The following SLC16A1 variants were observed in gnomAD, a reference collection of about 807,000 sequenced individuals.
SLC16A1 encodes solute carrier family 16 member 1, also known as monocarboxylate transporter 1.
Under a neutral mutation model 32.2 loss-of-function variants are expected in SLC16A1, and 11 were observed. The observed-to-expected ratio is 0.34, with a 90% CI of 0.21 to 0.56. The LOEUF is 0.56. Ranked by LOEUF, SLC16A1 falls within the 20% of genes least tolerant of loss-of-function variation. The probability of loss-of-function intolerance (pLI) is 0.87; values close to 1 mark genes in which losing one functional copy is unlikely to be tolerated. For synonymous variants in SLC16A1, 231 were observed against 226.8 expected (o/e 1.02, Z -0.17); for missense variants, 435 against 615.0 (o/e 0.71, Z 3.10).
chr1:112,924,400 A>C, intron 2 of SLC16A1: 1 of 1,110,538 alleles, frequency 9.0e-7, no homozygotes, highest in Non-Finnish European at 1.4e-6. Flanking sequence ...TGTTTCTCAC[A>C]CTTTCTTTAA....
In SLC16A1 at chr1:112,917,171, A is replaced by G. The variant is rs1400519114; in HGVS notation, c.1228+7T>C. On this transcript the variant is annotated splice_region_variant and intron_variant, in intron 4 of 4. Transcript: ENST00000369626. The surrounding 1 kb of genome is among the most constrained non-coding windows in gnomAD (Gnocchi z 4.1). The stretch of plus-strand genomic sequence containing the variant: ...TAGACCCACATTAGTAGGGAGATAT[A>G]CTATACCTAAAAGTGGTGGCCCCAG... The G allele has an allele frequency of 1.2e-6, 2 of 1,614,176 alleles. No individual in the cohort carries two copies. The highest frequency in any genetic ancestry group is 1.7e-5 in the Admixed American group (1 of 60,014).
In SLC16A1 at chr1:112,929,233, C is replaced by G; in HGVS notation, c.76G>C (p.Ala26Pro). 6.2e-7 allele frequency: 1 copy of G among 1,614,152 alleles called. No individual in the cohort carries two copies. The highest frequency in any genetic ancestry group is 1.1e-5 in the South Asian group (1 of 91,076). The change falls in exon 2 of 5, where the codon GCT (alanine) becomes CCT (proline). Residue 26 changes from alanine (A) to proline (P), a missense_variant. By Grantham distance (27) the Ala-to-Pro change is conservative (BLOSUM62 -1). Transcript: ENST00000369626. Reference sequence around the variant, plus strand: ...TAAGAGAAGCCGATGGAAATGAAAGCTCCAATTACCACTGCCCAGCCCCAG... The same window carrying G: ...TAAGAGAAGCCGATGGAAATGAAAGGTCCAATTACCACTGCCCAGCCCCAG... ...GGWGWAVVIG[A>P]FISIGFSYAF...
At position 112,940,750 on chromosome 1, in the gene SLC16A1, ATACT is replaced by A. The variant is rs377515246; in HGVS notation, c.-44-11402_-44-11399del. ...TTATACTTTGATAAAAAGTATGCACATACTTCTTATTAAAATAATTTTGATCAAG... is the reference window on the plus strand; with the variant it reads ...TTATACTTTGATAAAAAGTATGCACATCTTATTAAAATAATTTTGATCAAG... On this transcript the variant is annotated intron_variant, in intron 1 of 4. Transcript: ENST00000369626. 3.5e-4 allele frequency among the ~76,000 whole-genome samples: 54 copies of A among 152,356 alleles called. No individual in the cohort carries two copies. In the East Asian group the frequency reaches 7.1e-3, roughly 20 times the overall value.
At chr1:112,918,477 C>T (rs536635348) in intron 3 of SLC16A1, among the ~76,000 whole-genome samples, 14 of 152,148 alleles carry the variant, frequency 9.2e-5, no homozygotes, top group African/African-American at 2.9e-4. Flanking sequence ...ATCATTAAGT[C>T]GACAGTAGAG....
chr1:112,933,119 G>C (rs773843874), intron 1 of SLC16A1, among the ~76,000 whole-genome samples: 2 of 152,104 alleles, frequency 1.3e-5, no homozygotes, highest in African/African-American at 4.8e-5. Flanking sequence ...CTCTCGGACT[G>C]AAAGACTCAA....
At chr1:112,947,589 AAAGT>A (rs1362485828) in intron 1 of SLC16A1, among the ~76,000 whole-genome samples, 2 of 152,382 alleles carry the variant, frequency 1.3e-5, no homozygotes, top group East Asian at 3.9e-4. Context: ...TAGAGACAAC[AAAGT>A]AATATAACAT....
At chr1:112,943,954 G>C (rs1649600759) in intron 1 of SLC16A1, among the ~76,000 whole-genome samples, 1 of 152,102 alleles carries the variant, frequency 6.6e-6, no homozygotes, top group African/African-American at 2.4e-5. Flanking sequence ...GAGAAAAAGA[G>C]ACAGACATAA....
chr1:112,916,992 C>T, intron 4 of SLC16A1, 186 bp downstream of exon 4: 1 of 767,878 alleles, frequency 1.3e-6, no homozygotes, highest in East Asian at 2.7e-5. Flanking sequence ...CTTGATGGTT[C>T]CATTTAATTA....
At chr1:112,940,867 G>A (rs142908559) in intron 1 of SLC16A1, among the ~76,000 whole-genome samples, 2 of 152,128 alleles carry the variant, frequency 1.3e-5, no homozygotes, top group African/African-American at 4.8e-5. Flanking sequence ...TTTCCTTTAC[G>A]AGTTCTTTAG....
intron 1 of SLC16A1, among the ~76,000 whole-genome samples, 173 bp from the exon 2 acceptor site, chr1:112,929,525 C>A (rs11804107): frequency 0.015 from 2,260 of 151,788 alleles, 47 homozygotes; most frequent in African/African-American, 0.051. Flanking sequence ...ACAGCCCGGG[C>A]AACACAGATC....
Position 112,918,114 on chromosome 1 carries a change from A to G in SLC16A1, c.362-70T>C, listed in dbSNP as rs1045263166. On this transcript the variant is annotated intron_variant, in intron 3 of 4. Coordinates refer to ENST00000369626, the MANE Select transcript of SLC16A1 (RefSeq NM_003051.4). ...TAAATAAATAAATAATAAGAGGTAT[A>G]AATAATGGAAGGAATAGGATATAAA... The G allele has an allele frequency of 3.6e-6, 4 of 1,096,782 alleles. No individual in the cohort carries two copies. The African/African-American group carries it at 4.9e-5, about 13-fold the overall frequency. 67.9% of individuals were successfully genotyped at this position (1,096,782 alleles called of 1,614,324 possible).
At chr1:112,937,941 T>G (rs1167989760) in intron 1 of SLC16A1, among the ~76,000 whole-genome samples, 3 of 152,178 alleles carry the variant, frequency 2.0e-5, no homozygotes, top group African/African-American at 7.2e-5. Flanking sequence ...CTAGATTTTC[T>G]GATATTTTTT....
At chr1:112,924,775 T>C (rs541679345) in intron 2 of SLC16A1, among the ~76,000 whole-genome samples, 7 of 152,228 alleles carry the variant, frequency 4.6e-5, no homozygotes, top group Non-Finnish European at 8.8e-5. Flanking sequence ...TAGTCCCAGC[T>C]ACTCGGGAGG....
intron 3 of SLC16A1, among the ~76,000 whole-genome samples, chr1:112,921,525 T>A (rs991326050): frequency 6.6e-6 from 1 of 152,238 alleles, no homozygotes; most frequent in African/African-American, 2.4e-5. Context: ...TACATAGAAA[T>A]GTTAATGATA....
intron 2 of SLC16A1, among the ~76,000 whole-genome samples, chr1:112,927,271 A>T (rs187940958): frequency 5.5e-4 from 84 of 152,264 alleles, no homozygotes; most frequent in African/African-American, 1.9e-3. Flanking sequence ...TGGAACTGAT[A>T]AAATTTATAC....
At chr1:112,935,840 T>A (rs1436044267) in intron 1 of SLC16A1, 1 of 150,778 alleles carries the variant, frequency 6.6e-6, no homozygotes, top group Non-Finnish European at 1.5e-5. Flanking sequence ...TGTCTTCAAA[T>A]ATTGCTTCTC....
intron 3 of SLC16A1, among the ~76,000 whole-genome samples, chr1:112,921,189 C>T (rs1648721106): frequency 6.6e-6 from 1 of 151,560 alleles, no homozygotes; most frequent in Non-Finnish European, 1.5e-5. Context: ...CCAAGAGATA[C>T]TGTTCTCACG....
chr1:112,914,669 C>T (rs1349454770), intron 4 of SLC16A1, among the ~76,000 whole-genome samples: 1 of 152,222 alleles, frequency 6.6e-6, no homozygotes, highest in Non-Finnish European at 1.5e-5. Context: ...ATTCTATTAT[C>T]ATCCTCACTG....
rs938309713 is a variant in SLC16A1, at chr1:112,913,465, A to T, written c.*426T>A. 1 of 172,292 alleles carries T rather than the reference A, an allele frequency of 5.8e-6. No homozygotes were observed. The highest frequency in any genetic ancestry group is 1.3e-5 in the Non-Finnish European group (1 of 79,196). The allele number at this position is 172,292 out of a possible 1,614,324, so 10.7% of individuals were successfully genotyped here. A position where few individuals can be genotyped will look rare whatever the true frequency, so the allele number is the denominator to read the frequency against. On this transcript the variant is annotated 3_prime_UTR_variant, in exon 5 of 5. Transcript: ENST00000369626. ...TGAAATATATTACATGTAACAATGA[A>T]GCAAGATTAATTTTAAATTTTAGAT...
Sources: allele counts gnomAD v4.1 joint callset (sites outside exome capture counted in the v4.1 genomes callset), GRCh38; gene constraint gnomAD v4.1.1; non-coding constraint Gnocchi (gnomAD v3.1); transcripts MANE v1.5; gene names NCBI Gene and HGNC (gene_info 2026-07-23, HGNC 2026-07-21).